Variants in RPSA2 observed in about 807,000 individuals in gnomAD.
RPSA2 encodes ribosomal protein SA 2, also known as small ribosomal subunit protein uS2B.
the RPSA2 span, among the ~76,000 whole-genome samples, chr19:23,810,348 C>T: frequency 2.8e-5 from 4 of 144,436 alleles, no homozygotes; most frequent in South Asian, 6.7e-4. Flanking sequence ...GAACCGAGAT[C>T]GTGCCACTGC....
chr19:23,841,479 A>T, the RPSA2 span, among the ~76,000 whole-genome samples: 1 of 152,080 alleles, frequency 6.6e-6, no homozygotes, highest in East Asian at 1.9e-4. Flanking sequence ...ACAAAACAAA[A>T]ACCTGTATTA....
chr19:23,803,991 C>T, the RPSA2 span, among the ~76,000 whole-genome samples: 5 of 151,928 alleles, frequency 3.3e-5, no homozygotes, highest in Non-Finnish European at 4.4e-5. Flanking sequence ...AATTATTGAA[C>T]ACAGTATAAA....
chr19:23,862,526 G>A, the RPSA2 span, among the ~76,000 whole-genome samples: 2 of 151,930 alleles, frequency 1.3e-5, no homozygotes, highest in African/African-American at 4.8e-5. Flanking sequence ...GTCATAGATA[G>A]CTCTTATTAT....
chr19:23,759,399 C>T, the RPSA2 span, among the ~76,000 whole-genome samples: 1 of 151,544 alleles, frequency 6.6e-6, no homozygotes, highest in Non-Finnish European at 1.5e-5. Context: ...ATTGTAGATC[C>T]AGGGTAGGAG....
chr19:23,832,617 A>G, the RPSA2 span: 7 of 1,397,500 alleles, frequency 5.0e-6, no homozygotes, highest in Non-Finnish European at 5.7e-6. Flanking sequence ...AAGGTAATTC[A>G]TACTGGGAGA....
chr19:23,800,318 G>A, the RPSA2 span, among the ~76,000 whole-genome samples: 1 of 152,030 alleles, frequency 6.6e-6, no homozygotes, highest in African/African-American at 2.4e-5. Flanking sequence ...GGGATTACTG[G>A]TGTAAGCCAG....
At chr19:23,806,494 T>A in the RPSA2 span, among the ~76,000 whole-genome samples, 3 of 152,140 alleles carry the variant, frequency 2.0e-5, no homozygotes, top group East Asian at 5.8e-4. Context: ...CAAAAAGTTC[T>A]GAGAAAAGTG....
the RPSA2 span, among the ~76,000 whole-genome samples, chr19:23,789,677 C>T: frequency 6.6e-6 from 1 of 151,892 alleles, no homozygotes; most frequent in Non-Finnish European, 1.5e-5. Flanking sequence ...CAGACAGTGT[C>T]ATCAAGGAAC....
chr19:23,797,770 A>G, the RPSA2 span, among the ~76,000 whole-genome samples: 8 of 152,322 alleles, frequency 5.3e-5, no homozygotes, highest in African/African-American at 1.9e-4. Context: ...CATGAATTTT[A>G]TATAACACCT....
chr19:23,800,889 G>A, the RPSA2 span, among the ~76,000 whole-genome samples: 1 of 152,152 alleles, frequency 6.6e-6, no homozygotes, highest in African/African-American at 2.4e-5. Context: ...TGGGATTACA[G>A]GTGTGAGGCA....
the RPSA2 span, among the ~76,000 whole-genome samples, chr19:23,760,435 G>A: frequency 6.6e-4 from 101 of 152,126 alleles, no homozygotes; most frequent in African/African-American, 2.1e-3. Flanking sequence ...AGACTTCCAT[G>A]TCATGAACGA....
the RPSA2 span, among the ~76,000 whole-genome samples, chr19:23,863,359 T>C: frequency 2.0e-5 from 3 of 151,514 alleles, no homozygotes; most frequent in Admixed American, 1.3e-4. Flanking sequence ...AGGTCAAGAG[T>C]TCAAGACCAG....
the RPSA2 span, chr19:23,827,202 A>G: frequency 6.2e-6 from 6 of 963,948 alleles, no homozygotes; most frequent in African/African-American, 4.8e-5. Context: ...AAGGAGGAGG[A>G]TGTCCTTAAG....
chr19:23,763,655 G>C, the RPSA2 span, among the ~76,000 whole-genome samples: 1 of 152,260 alleles, frequency 6.6e-6, no homozygotes, highest in Non-Finnish European at 1.5e-5. Flanking sequence ...TTCTAGTAGA[G>C]AAGTGGTTTC....
At chr19:23,871,053 A>G in the RPSA2 span, among the ~76,000 whole-genome samples, 14 of 152,284 alleles carry the variant, frequency 9.2e-5, no homozygotes, top group East Asian at 2.3e-3. Context: ...CTGACTGACA[A>G]TCAGCCCCTT....
At chr19:23,867,326 A>G in the RPSA2 span, among the ~76,000 whole-genome samples, 13 of 152,220 alleles carry the variant, frequency 8.5e-5, no homozygotes, top group Non-Finnish European at 7.3e-5. Flanking sequence ...CGGATGGACA[A>G]TCATGTACTT....
chr19:23,784,593 C>CTAT, the RPSA2 span, among the ~76,000 whole-genome samples: 3 of 152,196 alleles, frequency 2.0e-5, no homozygotes, highest in Admixed American at 6.5e-5. Flanking sequence ...CCACTGTTGC[C>CTAT]TATTGTATGA....
At chr19:23,832,327 G>A in the RPSA2 span, 3 of 473,322 alleles carry the variant, frequency 6.3e-6, no homozygotes, top group African/African-American at 2.0e-5. Flanking sequence ...AAGTGGCAAA[G>A]CATTTATCTG....
chr19:23,865,540 T>G, the RPSA2 span, among the ~76,000 whole-genome samples: 1 of 152,164 alleles, frequency 6.6e-6, no homozygotes, highest in Non-Finnish European at 1.5e-5. Flanking sequence ...AGTCAGTTTC[T>G]GAGTCTCAAG....
Sources: gnomAD v4.1 joint callset for allele counts (sites outside exome capture counted in the v4.1 genomes callset) on GRCh38, gnomAD v4.1.1 for gene constraint, MANE v1.5 for transcripts, NCBI Gene and HGNC (gene_info 2026-07-23, HGNC 2026-07-21) for gene names.